Variants in MGAT5 observed in about 807,000 individuals in gnomAD.
MGAT5 encodes the protein alpha-1,6-mannosylglycoprotein 6-beta-N-acetylglucosaminyltransferase.
In MGAT5, 30 loss-of-function variants were observed where a neutral mutation model predicts 94.3. The ratio of observed to expected loss-of-function variants is 0.32; its 90% CI spans 0.24 to 0.43. The LOEUF (loss-of-function observed/expected upper bound fraction) is 0.43, where lower values mean the gene tolerates loss of function less well. Among genes scored for constraint, MGAT5 ranks in the 20% least tolerant of loss-of-function variants. The pLI is 1.00. For missense variants in MGAT5, 691 were observed against 905.5 expected (o/e 0.76, Z 3.04); for synonymous variants, 310 against 322.9 (o/e 0.96, Z 0.43).
At chr2:134,232,048 G>C (rs938824144) in intron 1 of MGAT5, among the ~76,000 whole-genome samples, 1 of 151,500 alleles carries the variant, frequency 6.6e-6, no homozygotes, top group African/African-American at 2.4e-5. Flanking sequence ...CTTTTCCTCA[G>C]CTGCCCAAGC....
chr2:134,256,085 G>A (rs1558736435), intron 1 of MGAT5, among the ~76,000 whole-genome samples: 1 of 152,154 alleles, frequency 6.6e-6, no homozygotes, highest in African/African-American at 2.4e-5. Context: ...TCTGTTAAAA[G>A]TGTCTGTAGG....
At chr2:134,329,470 G>A (rs897488749) in intron 4 of MGAT5, among the ~76,000 whole-genome samples, 11 of 152,064 alleles carry the variant, frequency 7.2e-5, no homozygotes, top group African/African-American at 2.7e-4. Flanking sequence ...TCACTTTAAA[G>A]GATTTCATAC....
chr2:134,310,021 A>G (rs1686554392), intron 2 of MGAT5, among the ~76,000 whole-genome samples: 1 of 152,182 alleles, frequency 6.6e-6, no homozygotes, highest in Non-Finnish European at 1.5e-5. Flanking sequence ...TTCTTTTTAT[A>G]CATTAGTTCT....
intron 12 of MGAT5, among the ~76,000 whole-genome samples, chr2:134,416,765 AT>A (rs10548586): frequency 0.35 from 45,085 of 130,348 alleles, 6,671 homozygotes; most frequent in South Asian, 0.44. Flanking sequence ...CAGCTAATTA[AT>A]TTTTTTTTTT....
intron 1 of MGAT5, 69 bp downstream of exon 1, chr2:134,254,713 A>G: frequency 1.9e-6 from 3 of 1,580,860 alleles, no homozygotes; most frequent in South Asian, 1.2e-5. Flanking sequence ...AGAAGCTCCC[A>G]GATATGGTCT....
intron 1 of MGAT5, among the ~76,000 whole-genome samples, chr2:134,217,591 C>T (rs1251718013): frequency 6.6e-6 from 1 of 152,158 alleles, no homozygotes; most frequent in Non-Finnish European, 1.5e-5. Flanking sequence ...CATTAAAGTC[C>T]TTCATTTAAG....
At chr2:134,122,934 A>G (rs534499742) in intron 1 of MGAT5, among the ~76,000 whole-genome samples, 1 of 152,350 alleles carries the variant, frequency 6.6e-6, no homozygotes, top group South Asian at 2.1e-4. Flanking sequence ...GGATCTCCTC[A>G]GCAGTGTGCA....
At chr2:134,381,451 G>A (rs2106205056) in intron 10 of MGAT5, among the ~76,000 whole-genome samples, 1 of 150,742 alleles carries the variant, frequency 6.6e-6, no homozygotes, top group Middle Eastern at 3.4e-3. Context: ...AACATAGCAA[G>A]ACCTGTCTGG....
intron 2 of MGAT5, among the ~76,000 whole-genome samples, chr2:134,301,322 T>G (rs532206335): frequency 6.6e-6 from 1 of 152,322 alleles, no homozygotes; most frequent in South Asian, 2.1e-4. Context: ...TTATGAATAA[T>G]GCTGCTAGAG....
At chr2:134,222,295 C>T (rs149380515) in intron 1 of MGAT5, among the ~76,000 whole-genome samples, 2 of 129,386 alleles carry the variant, frequency 1.5e-5, no homozygotes, top group African/African-American at 2.9e-5. Context: ...AAGATGTGGG[C>T]GTCCAGGGCT....
Position 134,403,008 on chromosome 2 carries a change from C to T in MGAT5, c.1401C>T (p.Asp467=). ...SFWKNKKIYL[D]IIHTYMEVHA... Reference sequence around the variant, plus strand: ...TTTAGAATAAGAAGATCTACTTGGACATTATTCACACATACATGGAAGTGC... The same window carrying T: ...TTTAGAATAAGAAGATCTACTTGGATATTATTCACACATACATGGAAGTGC... The change falls in exon 11 of 16, where the codon GAC becomes GAT. Residue 467 remains aspartate, a synonymous_variant. Coordinates refer to ENST00000281923, the MANE Select transcript of MGAT5 (RefSeq NM_002410.5). 1 of 1,597,066 alleles carries T rather than the reference C, an allele frequency of 6.3e-7. No individual in the cohort carries two copies. The highest frequency in any genetic ancestry group is 8.5e-7 in the Non-Finnish European group (1 of 1,175,632).
chr2:134,128,288 AAG>A (rs1312052334), intron 1 of MGAT5, among the ~76,000 whole-genome samples: 4 of 152,170 alleles, frequency 2.6e-5, no homozygotes, highest in African/African-American at 9.6e-5. Context: ...AGAAAGAAGA[AAG>A]AGGGAGTGAT....
intron 1 of MGAT5, among the ~76,000 whole-genome samples, chr2:134,269,492 A>T (rs1683898781): frequency 6.6e-6 from 1 of 152,204 alleles, no homozygotes; most frequent in Non-Finnish European, 1.5e-5. Context: ...GTGGATGGTT[A>T]TGCAGTCACC....
chr2:134,137,493 T>C (rs1463572495), intron 1 of MGAT5, among the ~76,000 whole-genome samples: 3 of 152,226 alleles, frequency 2.0e-5, no homozygotes, highest in African/African-American at 7.2e-5. Context: ...GTACTGCACC[T>C]CGTCAGGCTG....
At chr2:134,441,612 A>G in intron 14 of MGAT5, 146 bp from the exon 15 acceptor site, 1 of 954,986 alleles carries the variant, frequency 1.0e-6, no homozygotes, top group South Asian at 1.6e-5. Context: ...GCTGAGCCCC[A>G]ATCCAGCCCA....
Position 134,254,569 on chromosome 2 carries a change from A to G in MGAT5, c.166A>G (p.Arg56Gly), listed in dbSNP as rs1250292123. 5 of 1,614,084 alleles carry G rather than the reference A, an allele frequency of 3.1e-6. No individual in the cohort carries two copies. The African/African-American group carries it at 6.7e-5, about 22-fold the overall frequency. Residue 56 changes from arginine to glycine, a missense_variant, in exon 1 of 16, where the codon AGG (arginine) becomes GGG (glycine). By Grantham distance (125) the Arg-to-Gly change is moderately radical. This residue lies in a region of MGAT5 where 307 missense variants were observed against 335.4 expected (regional missense o/e 0.92). Transcript: ENST00000281923. ...CGAGCAGATCCTGGACCTCAGCAAA[A>G]GGTACATCAAGGCACTGGCAGAAGA... ...LREQILDLSK[R>G]YIKALAEENR...
intron 5 of MGAT5, among the ~76,000 whole-genome samples, 181 bp from the exon 6 acceptor site, chr2:134,338,078 G>A (rs981960465): frequency 1.3e-5 from 2 of 152,158 alleles, no homozygotes; most frequent in African/African-American, 4.8e-5. Context: ...GCAGTCAGCA[G>A]CCTTGGCTTC....
chr2:134,129,218 A>AT (rs1342286978), intron 1 of MGAT5, among the ~76,000 whole-genome samples: 1 of 152,174 alleles, frequency 6.6e-6, no homozygotes, highest in African/African-American at 2.4e-5. Flanking sequence ...TCCTAGGCTC[A>AT]TGCCCCCTTC....
intron 1 of MGAT5, among the ~76,000 whole-genome samples, chr2:134,221,649 G>A (rs1346656617): frequency 6.6e-6 from 1 of 152,192 alleles, no homozygotes; most frequent in Admixed American, 6.5e-5. Flanking sequence ...GGTATGGCAA[G>A]GAAATATATT....
Sources: gnomAD v4.1 joint callset for allele counts (sites outside exome capture counted in the v4.1 genomes callset) on GRCh38, gnomAD v4.1.1 for gene constraint, gnomAD v4.1.1 regional missense constraint, MANE v1.5 for transcripts, NCBI Gene and HGNC (gene_info 2026-07-23, HGNC 2026-07-21) for gene names.